Variants in GPM6A observed in about 807,000 individuals in gnomAD.
The protein encoded by GPM6A is glycoprotein M6A, also known as neuronal membrane glycoprotein M6-a.
Under a neutral mutation model 32.1 loss-of-function variants are expected in GPM6A, and 7 were observed. That is an observed-to-expected ratio of 0.22 (90% CI 0.12 to 0.41). The LOEUF is 0.41. Among genes scored for constraint, GPM6A ranks in the 10% least tolerant of loss-of-function variants. The pLI is 1.00. For missense variants in GPM6A, 235 were observed against 347.2 expected, an observed-to-expected ratio of 0.68 and a Z score of 2.57; for synonymous variants, 130 against 123.4, an observed-to-expected ratio of 1.05 and a Z score of -0.35.
intron 1 of GPM6A, among the ~76,000 whole-genome samples, chr4:175,861,364 C>T (rs1442733456): frequency 3.3e-5 from 5 of 151,010 alleles, no homozygotes; most frequent in African/African-American, 7.3e-5. Context: ...TATATAGCTA[C>T]GCATCTATAA....
intron 1 of GPM6A, among the ~76,000 whole-genome samples, chr4:175,898,850 T>C (rs1030884774): frequency 2.0e-5 from 3 of 152,192 alleles, no homozygotes; most frequent in African/African-American, 7.2e-5. Context: ...GCTGATGCTG[T>C]CCATGAACCT....
At chr4:175,852,873 T>C (rs1736301345) in intron 1 of GPM6A, among the ~76,000 whole-genome samples, 2 of 152,122 alleles carry the variant, frequency 1.3e-5, no homozygotes, top group African/African-American at 4.8e-5. Context: ...AATATGTAAA[T>C]CAGAAAAGAT....
chr4:175,704,975 A>G (rs1560886199), intron 1 of GPM6A, among the ~76,000 whole-genome samples: 1 of 152,164 alleles, frequency 6.6e-6, no homozygotes, highest in Non-Finnish European at 1.5e-5. Flanking sequence ...ACTTCTGGGG[A>G]CTTCTGATTA....
intron 1 of GPM6A, among the ~76,000 whole-genome samples, chr4:175,833,746 C>T (rs543469103): frequency 1.3e-5 from 2 of 152,148 alleles, no homozygotes; most frequent in Admixed American, 1.3e-4. Flanking sequence ...TTCTGCCTAA[C>T]CACCAGTCAC....
chr4:175,699,508 C>T (rs746067306), intron 2 of GPM6A, among the ~76,000 whole-genome samples: 1 of 152,092 alleles, frequency 6.6e-6, no homozygotes, highest in African/African-American at 2.4e-5. Flanking sequence ...TTTCAATTTG[C>T]TGTTAATTCT....
chr4:175,757,445 G>A (rs1326593243), intron 1 of GPM6A, among the ~76,000 whole-genome samples: 1 of 151,960 alleles, frequency 6.6e-6, no homozygotes, highest in Non-Finnish European at 1.5e-5. Context: ...AGTAATCGTG[G>A]GATATAAAAA....
chr4:175,771,149 C>A (rs1733171249), intron 1 of GPM6A, among the ~76,000 whole-genome samples: 1 of 135,338 alleles, frequency 7.4e-6, no homozygotes, highest in Admixed American at 6.8e-5. Context: ...CTAGCTCCTG[C>A]TTCCTTGTTT....
At chr4:175,705,973 C>T (rs1460759588) in intron 1 of GPM6A, among the ~76,000 whole-genome samples, 1 of 152,034 alleles carries the variant, frequency 6.6e-6, no homozygotes. Flanking sequence ...CTAGTCACTA[C>T]CTATATACAC....
chr4:175,939,531 T>C (rs941589923), intron 1 of GPM6A, among the ~76,000 whole-genome samples: 1 of 152,156 alleles, frequency 6.6e-6, no homozygotes, highest in African/African-American at 2.4e-5. Flanking sequence ...TCTTCCCCAA[T>C]TAAAGAGAGG....
chr4:175,807,997 A>G (rs1227749118), intron 1 of GPM6A, among the ~76,000 whole-genome samples: 1 of 152,232 alleles, frequency 6.6e-6, no homozygotes, highest in African/African-American at 2.4e-5. Context: ...TCATTTAGGT[A>G]AAGTCCTTAG....
chr4:175,961,157 C>T (rs1053867010), intron 1 of GPM6A: 7 of 152,212 alleles, frequency 4.6e-5, no homozygotes, highest in Non-Finnish European at 8.8e-5. Context: ...TATCACTCAT[C>T]AGTTGCATAC....
At chr4:175,792,223 G>A (rs1289793925) in intron 1 of GPM6A, among the ~76,000 whole-genome samples, 4 of 152,082 alleles carry the variant, frequency 2.6e-5, no homozygotes, top group Admixed American at 6.5e-5. Flanking sequence ...GTAACATATC[G>A]TGTTTATTTC....
intron 1 of GPM6A, among the ~76,000 whole-genome samples, chr4:175,716,361 CT>C (rs1745841448): frequency 6.6e-6 from 1 of 152,084 alleles, no homozygotes; most frequent in Non-Finnish European, 1.5e-5. Flanking sequence ...TCCTATAACT[CT>C]TTTAAAAAGT....
chr4:175,739,711 C>T (rs555717319), intron 1 of GPM6A, among the ~76,000 whole-genome samples: 1 of 152,092 alleles, frequency 6.6e-6, no homozygotes, highest in East Asian at 1.9e-4. Context: ...GCAAAAGTGA[C>T]GTTTTGAAAA....
At chr4:176,000,528 C>T (rs1033335973) in intron 1 of GPM6A, among the ~76,000 whole-genome samples, 3 of 152,176 alleles carry the variant, frequency 2.0e-5, no homozygotes, top group African/African-American at 7.2e-5. Context: ...GAATACCTTA[C>T]CTTTGATAGC....
chr4:175,746,936 C>A (rs1413959150), intron 1 of GPM6A, among the ~76,000 whole-genome samples: 63 of 152,166 alleles, frequency 4.1e-4, no homozygotes, highest in Non-Finnish European at 1.0e-4. Context: ...TAGTCTAAAT[C>A]TCTTGTCATG....
intron 1 of GPM6A, among the ~76,000 whole-genome samples, chr4:175,864,162 C>T (rs899946617): frequency 5.3e-5 from 8 of 151,944 alleles, no homozygotes; most frequent in African/African-American, 1.7e-4. Flanking sequence ...TTTTCATGTG[C>T]CATTTGTTTT....
chr4:175,774,431 T>A (rs1466340434), intron 1 of GPM6A, among the ~76,000 whole-genome samples: 1 of 152,036 alleles, frequency 6.6e-6, no homozygotes, highest in Admixed American at 6.6e-5. Context: ...CTCTCCCCTC[T>A]AATCTTTAAT....
At chr4:175,836,161 G>A (rs1735762604) in intron 1 of GPM6A, among the ~76,000 whole-genome samples, 2 of 152,142 alleles carry the variant, frequency 1.3e-5, no homozygotes, top group African/African-American at 4.8e-5. Flanking sequence ...CTCTGTTACT[G>A]ATATTCCCTG....
Sources: gnomAD v4.1 joint callset for allele counts (sites outside exome capture counted in the v4.1 genomes callset) on GRCh38, gnomAD v4.1.1 for gene constraint, MANE v1.5 for transcripts, NCBI Gene and HGNC (gene_info 2026-07-23, HGNC 2026-07-21) for gene names.